The following RBFOX1 variants were observed in gnomAD, a reference collection of about 807,000 sequenced individuals.
RBFOX1 encodes RNA binding protein fox-1 homolog 1.
RBFOX1 carries 8 observed loss-of-function variants against 57.7 expected under a neutral mutation model. That is an observed-to-expected ratio of 0.14 (90% confidence interval 0.08 to 0.25). RBFOX1 has a LOEUF of 0.25. RBFOX1 is among the 10% of genes least tolerant of loss of function. The pLI is 1.00. For synonymous variants in RBFOX1, 326 were observed against 222.4 expected (o/e 1.47, Z -4.15); for missense variants, 611 against 548.5 (o/e 1.11, Z -1.14).
At chr16:5,896,498 G>C (rs563568019) in intron 4 of RBFOX1, among the ~76,000 whole-genome samples, 8 of 152,252 alleles carry the variant, frequency 5.3e-5, no homozygotes, top group African/African-American at 1.9e-4. Context: ...GCTCTCCTTT[G>C]CGTTCCAACA....
chr16:5,512,436 C>G lies in RBFOX1; in HGVS notation c.258+45182C>G, dbSNP rs72761055. Among the ~76,000 whole-genome samples the G allele has an allele frequency of 6.6e-3, 274 of 41,826 alleles. No homozygotes were observed. The African/African-American group carries it at 0.13, about 20-fold the overall frequency. The allele number at this position is 41,826 out of a possible 152,430, so 27.4% of individuals were successfully genotyped here. On this transcript the variant is annotated intron_variant, in intron 2 of 2. Transcript: ENST00000585867. ...TCTCTCTTTCTCTCTCTCTCTCTGT[C>G]TCTCTCTCTCTTCTTTCATTATGTG...
intron 4 of RBFOX1, among the ~76,000 whole-genome samples, chr16:7,149,314 T>G (rs902566202): frequency 6.6e-6 from 1 of 152,046 alleles, no homozygotes; most frequent in African/African-American, 2.4e-5. Flanking sequence ...CCACTCAGGA[T>G]GCAGGGTAAA....
intron 4 of RBFOX1, among the ~76,000 whole-genome samples, chr16:7,119,339 G>C (rs1431698281): frequency 6.6e-6 from 1 of 152,130 alleles, no homozygotes; most frequent in Non-Finnish European, 1.5e-5. Context: ...CATCAGACTT[G>C]TGGAACACCT....
At chr16:7,467,345 AGTCTTTAAG>A (rs2060717145) in intron 4 of RBFOX1, among the ~76,000 whole-genome samples, 1 of 152,142 alleles carries the variant, frequency 6.6e-6, no homozygotes, top group Admixed American at 6.5e-5. Context: ...TAGACTTGGC[AGTCTTTAAG>A]GTCAACCAGA....
At chr16:7,032,550 T>C (rs532081828) in intron 3 of RBFOX1, among the ~76,000 whole-genome samples, 1 of 151,894 alleles carries the variant, frequency 6.6e-6, no homozygotes, top group Admixed American at 6.6e-5. Context: ...CTAAATCTTA[T>C]GTGGGAACAT....
Position 5,418,080 on chromosome 16 carries a change from T to TCAACAACAA in RBFOX1, c.220-49120_220-49112dup, listed in dbSNP as rs58380992. ...TGGGCAACAAGAGCAAAACTCCATC[T>TCAACAACAA]CAACAACAACAACAACAACAACAAA... On this transcript the variant is annotated intron_variant, in intron 1 of 2. Coordinates refer to the RBFOX1 transcript ENST00000585867. Among the ~76,000 whole-genome samples the TCAACAACAA allele has an allele frequency of 2.3e-3, 347 of 150,986 alleles. 2 individuals are homozygous for TCAACAACAA. Among genetic ancestry groups the TCAACAACAA allele is most frequent in the African/African-American group, 7.8e-3 (322 of 41,060 alleles).
intron 2 of RBFOX1, among the ~76,000 whole-genome samples, chr16:6,353,419 T>C (rs1288092239): frequency 6.6e-6 from 1 of 151,912 alleles, no homozygotes; most frequent in Non-Finnish European, 1.5e-5. Context: ...TCCTTGGTGT[T>C]TTACTGACAA....
chr16:6,458,717 C>G (rs74643918), intron 2 of RBFOX1, among the ~76,000 whole-genome samples: 3,413 of 152,230 alleles, frequency 0.022, 127 homozygotes, highest in African/African-American at 0.075. Context: ...CTCATTTGAC[C>G]TAGGAGTAAG....
intron 1 of RBFOX1, among the ~76,000 whole-genome samples, chr16:5,352,679 A>G (rs893414910): frequency 6.6e-6 from 1 of 152,136 alleles, no homozygotes; most frequent in East Asian, 1.9e-4. Context: ...ACGGTGGCTC[A>G]TACTTGTAAT....
chr16:6,741,491 C>T (rs1450033334), intron 3 of RBFOX1, among the ~76,000 whole-genome samples: 2 of 151,864 alleles, frequency 1.3e-5, no homozygotes, highest in African/African-American at 4.8e-5. Context: ...TGGCGAAACC[C>T]TGTCTGTATT....
intron 3 of RBFOX1, among the ~76,000 whole-genome samples, chr16:7,007,815 C>G (rs1010759220): frequency 6.6e-6 from 1 of 152,188 alleles, no homozygotes; most frequent in African/African-American, 2.4e-5. Context: ...AGCCTGCACG[C>G]TCCTGTGCGT....
At chr16:5,321,909 C>G (rs527750860) in intron 1 of RBFOX1, among the ~76,000 whole-genome samples, 2 of 152,226 alleles carry the variant, frequency 1.3e-5, no homozygotes, top group South Asian at 4.2e-4. Flanking sequence ...CACGGCCTTA[C>G]GGGGCACTGA....
At chr16:7,431,202 A>AT (rs1194823866) in intron 4 of RBFOX1, 1 of 151,984 alleles carries the variant, frequency 6.6e-6, no homozygotes, top group South Asian at 2.1e-4. Context: ...AAGGGATCCT[A>AT]TTTTTTACAT....
intron 1 of RBFOX1, among the ~76,000 whole-genome samples, chr16:5,278,020 C>T (rs192136346): frequency 2.8e-4 from 43 of 152,084 alleles, no homozygotes; most frequent in African/African-American, 9.6e-4. Flanking sequence ...GATATATACC[C>T]GGGAGTGGGA....
chr16:7,260,716 T>C (rs995929462), intron 4 of RBFOX1, among the ~76,000 whole-genome samples: 2 of 152,208 alleles, frequency 1.3e-5, no homozygotes, highest in African/African-American at 4.8e-5. Context: ...CACTCAATCC[T>C]GAAGGAGTCC....
At chr16:6,058,863 TCCA>T (rs2095649494) in intron 1 of RBFOX1, among the ~76,000 whole-genome samples, 1 of 150,722 alleles carries the variant, frequency 6.6e-6, no homozygotes, top group African/African-American at 2.5e-5. Flanking sequence ...CATCCATCCA[TCCA>T]TCCATCCATC....
intron 1 of RBFOX1, among the ~76,000 whole-genome samples, chr16:5,322,979 T>C (rs1184434895): frequency 6.6e-6 from 1 of 152,138 alleles, no homozygotes; most frequent in African/African-American, 2.4e-5. Flanking sequence ...GTTGTGTAGA[T>C]GAGTGTGGGC....
At chr16:6,029,183 G>T (rs867840184) in intron 1 of RBFOX1, among the ~76,000 whole-genome samples, 3 of 152,106 alleles carry the variant, frequency 2.0e-5, no homozygotes, top group Non-Finnish European at 4.4e-5. Flanking sequence ...GTGATTTGTG[G>T]AAAGATATTT....
At chr16:6,839,943 G>C (rs902549922) in intron 3 of RBFOX1, among the ~76,000 whole-genome samples, 2 of 152,102 alleles carry the variant, frequency 1.3e-5, no homozygotes, top group African/African-American at 2.4e-5. Flanking sequence ...TTTAACGTAT[G>C]ATGAGCCTGT....
Sources: allele counts gnomAD v4.1 joint callset (sites outside exome capture counted in the v4.1 genomes callset), GRCh38; gene constraint gnomAD v4.1.1; transcripts MANE v1.5; gene names NCBI Gene and HGNC (gene_info 2026-07-23, HGNC 2026-07-21).